SORCS2: variants seen among roughly 807,000 people sequenced by gnomAD.
SORCS2 encodes the protein sortilin related VPS10 domain containing receptor 2, also known as VPS10 domain-containing receptor SorCS2.
A neutral mutation model predicts 141.6 loss-of-function variants in SORCS2; 100 were observed. That is an observed-to-expected ratio of 0.71 (90% CI 0.60 to 0.83). The LOEUF is 0.83. Ranked by LOEUF, SORCS2 falls within the 40% of genes least tolerant of loss-of-function variation. The probability of loss-of-function intolerance (pLI) is 0.00; values close to 1 mark genes in which losing one functional copy is unlikely to be tolerated. For synonymous variants in SORCS2, 789 were observed against 676.9 expected (o/e 1.17, Z -2.57); for missense variants, 1,646 against 1,560.2 (o/e 1.05, Z -0.93).
intron 14 of SORCS2, among the ~76,000 whole-genome samples, chr4:7,706,864 C>T (rs961753687): frequency 4.6e-5 from 7 of 152,170 alleles, no homozygotes; most frequent in African/African-American, 9.7e-5. Context: ...TATGTCCCCT[C>T]GTTTGTTGGG....
chr4:7,380,068 T>C (rs1416737974), intron 1 of SORCS2, among the ~76,000 whole-genome samples: 2 of 152,074 alleles, frequency 1.3e-5, no homozygotes, highest in African/African-American at 4.8e-5. Flanking sequence ...ACAATGGCCA[T>C]TTCTTCAAAA....
At chr4:7,303,905 G>A (rs73208443) in intron 1 of SORCS2, among the ~76,000 whole-genome samples, 35,435 of 152,268 alleles carry the variant, frequency 0.23, 4,620 homozygotes, top group Non-Finnish European at 0.3. Flanking sequence ...GATGGCAGGG[G>A]CCTGAGGGGC....
intron 1 of SORCS2, among the ~76,000 whole-genome samples, chr4:7,341,717 G>A (rs996459315): frequency 6.6e-6 from 1 of 152,176 alleles, no homozygotes; most frequent in African/African-American, 2.4e-5. Context: ...AATTCACACA[G>A]CATACAATCG....
chr4:7,658,053 G>A (rs1053879060), intron 5 of SORCS2, among the ~76,000 whole-genome samples: 1 of 151,998 alleles, frequency 6.6e-6, no homozygotes, highest in Non-Finnish European at 1.5e-5. Flanking sequence ...GAATGAGTGA[G>A]TCTGATTGAG....
chr4:7,483,969 C>A (rs749556653), intron 2 of SORCS2, among the ~76,000 whole-genome samples: 1 of 152,130 alleles, frequency 6.6e-6, no homozygotes, highest in Non-Finnish European at 1.5e-5. Flanking sequence ...AGAAAGTAGC[C>A]GATTCAAAAT....
intron 2 of SORCS2, among the ~76,000 whole-genome samples, chr4:7,397,545 C>T (rs921705976): frequency 5.9e-5 from 9 of 152,062 alleles, no homozygotes; most frequent in East Asian, 5.8e-4. Context: ...AGTGATGGGT[C>T]GTATCCCTGT....
At chr4:7,540,727 G>A (rs1054296901) in intron 3 of SORCS2, among the ~76,000 whole-genome samples, 1 of 152,200 alleles carries the variant, frequency 6.6e-6, no homozygotes, top group Non-Finnish European at 1.5e-5. Flanking sequence ...GGGAGAACAG[G>A]CTTTACGGAG....
intron 1 of SORCS2, among the ~76,000 whole-genome samples, chr4:7,264,591 C>G (rs999704083): frequency 3.3e-5 from 5 of 152,348 alleles, no homozygotes; most frequent in African/African-American, 9.6e-5. Context: ...TGATGTCCTT[C>G]TCGGGAAGGT....
chr4:7,357,314 A>G (rs994091229), intron 1 of SORCS2, among the ~76,000 whole-genome samples: 3 of 152,210 alleles, frequency 2.0e-5, no homozygotes, highest in Non-Finnish European at 4.4e-5. Context: ...CCAGATCGAC[A>G]TGACCAGTGG....
chr4:7,444,894 C>G (rs1243770581), intron 2 of SORCS2, among the ~76,000 whole-genome samples: 1 of 152,242 alleles, frequency 6.6e-6, no homozygotes, highest in Non-Finnish European at 1.5e-5. Flanking sequence ...AGAGAAGAGT[C>G]AGGAACACAC....
chr4:7,367,464 C>T (rs1721965027), intron 1 of SORCS2, among the ~76,000 whole-genome samples: 1 of 152,198 alleles, frequency 6.6e-6, no homozygotes, highest in Non-Finnish European at 1.5e-5. Flanking sequence ...GTGAGCCTGT[C>T]GGTGCTGCAG....
intron 1 of SORCS2, among the ~76,000 whole-genome samples, chr4:7,243,445 G>C (rs996255494): frequency 6.6e-6 from 1 of 152,178 alleles, no homozygotes; most frequent in African/African-American, 2.4e-5. Context: ...TGAGAGGAGA[G>C]AGACAAGGCC....
intron 1 of SORCS2, among the ~76,000 whole-genome samples, chr4:7,329,804 C>T (rs116430693): frequency 0.02 from 3,012 of 152,300 alleles, 44 homozygotes; most frequent in Non-Finnish European, 0.036. Flanking sequence ...CCCATACAAC[C>T]TTTCCAGGTC....
chr4:7,387,428 C>G (rs528082439), intron 1 of SORCS2, among the ~76,000 whole-genome samples: 112 of 81,070 alleles, frequency 1.4e-3, no homozygotes, highest in African/African-American at 4.3e-3. Context: ...CATGCACACA[C>G]ACATAGGTAC....
chr4:7,397,464 C>T (rs766058679), intron 2 of SORCS2, among the ~76,000 whole-genome samples: 27 of 152,058 alleles, frequency 1.8e-4, no homozygotes, highest in Non-Finnish European at 3.5e-4. Context: ...AAGCTCTTCT[C>T]GGTGTGGATT....
intron 1 of SORCS2, among the ~76,000 whole-genome samples, chr4:7,351,969 C>T (rs924713261): frequency 5.3e-5 from 8 of 152,148 alleles, no homozygotes; most frequent in African/African-American, 1.2e-4. Context: ...CCTACTCCCT[C>T]GCCTGTCCAT....
intron 2 of SORCS2, among the ~76,000 whole-genome samples, chr4:7,462,822 C>T (rs1245318925): frequency 2.0e-5 from 3 of 150,496 alleles, no homozygotes; most frequent in African/African-American, 7.3e-5. Flanking sequence ...TCACTATCTG[C>T]TGTCACGGTG....
chr4:7,717,772 G>A (rs753652395), intron 17 of SORCS2, among the ~76,000 whole-genome samples: 10 of 152,324 alleles, frequency 6.6e-5, no homozygotes, highest in South Asian at 2.1e-4. Context: ...CAGCGCCTCC[G>A]AAGCACATCC....
intron 23 of SORCS2, among the ~76,000 whole-genome samples, chr4:7,730,012 C>T (rs758649128): frequency 1.1e-4 from 17 of 152,164 alleles, no homozygotes; most frequent in Non-Finnish European, 1.9e-4. Context: ...CACATGGCCC[C>T]AACCTGACTG....
Sources: allele counts gnomAD v4.1 joint callset (sites outside exome capture counted in the v4.1 genomes callset), GRCh38; gene constraint gnomAD v4.1.1; transcripts MANE v1.5; gene names NCBI Gene and HGNC (gene_info 2026-07-23, HGNC 2026-07-21).